The following DBT variants were observed in gnomAD, a reference collection of about 807,000 sequenced individuals.
DBT encodes the protein dihydrolipoamide branched chain transacylase E2.
DBT carries 40 observed loss-of-function variants against 51.3 expected under a neutral mutation model. That is an observed-to-expected ratio of 0.78 (90% confidence interval 0.61 to 1.02). The LOEUF is 1.02. DBT is among the 50% of genes least tolerant of loss of function. The pLI, the probability that DBT is intolerant of heterozygous loss-of-function variation, is 0.00. For missense variants in DBT, 510 were observed against 580.2 expected, an observed-to-expected ratio of 0.88 and a Z score of 1.24; for synonymous variants, 181 against 190.4, an observed-to-expected ratio of 0.95 and a Z score of 0.41.
chr1:100,211,309 T>C (rs1662122490), intron 7 of DBT, among the ~76,000 whole-genome samples: 1 of 152,236 alleles, frequency 6.6e-6, no homozygotes, highest in African/African-American at 2.4e-5. Context: ...ATAGCATTTA[T>C]ATTTTCCCTC....
chr1:100,215,102 AC>A (rs550346609), intron 6 of DBT, 119 bp from the exon 7 acceptor site: 36 of 726,738 alleles, frequency 5.0e-5, no homozygotes, highest in Admixed American at 7.6e-5. Context: ...TCTCAGTTAA[AC>A]CCTTCCTCTT....
chr1:100,209,591 T>C (rs1485727503), intron 8 of DBT, among the ~76,000 whole-genome samples: 2 of 152,136 alleles, frequency 1.3e-5, no homozygotes, highest in Admixed American at 6.6e-5. Flanking sequence ...AATGGAGTTT[T>C]GCTCTTGTCG....
At position 100,215,979 on chromosome 1, in the gene DBT, T is replaced by C; in HGVS notation, c.772+4A>G. 6.6e-7 allele frequency: 1 copy of C among 1,518,014 alleles called. No individual in the cohort carries two copies. The highest frequency in any genetic ancestry group is 9.2e-7 in the Non-Finnish European group (1 of 1,092,566). 94.0% of individuals were successfully genotyped at this position (1,518,014 alleles called of 1,614,324 possible). A position where few individuals can be genotyped will look rare whatever the true frequency, so the allele number is the denominator to read the frequency against. On this transcript the variant is annotated splice_donor_region_variant and intron_variant, in intron 6 of 10. Coordinates refer to ENST00000370132, the MANE Select transcript of DBT (RefSeq NM_001918.5). ...CCTTATAGTATTGTTATTATTATCA[T>C]TACCTTTTATGGGTTCTGTTTTGTC...
chr1:100,231,836 G>A (rs1663570058), intron 3 of DBT, among the ~76,000 whole-genome samples: 1 of 152,182 alleles, frequency 6.6e-6, no homozygotes, highest in Non-Finnish European at 1.5e-5. Flanking sequence ...AGGAAAAATG[G>A]TTGAGTTTTG....
At position 100,216,094 on chromosome 1, in the gene DBT, G is replaced by A; in HGVS notation, c.661C>T (p.Pro221Ser). The A allele has an allele frequency of 2.5e-6, 4 of 1,613,390 alleles. No homozygotes were observed. The highest frequency in any genetic ancestry group is 3.4e-6 in the Non-Finnish European group (4 of 1,179,402). Residue 221 changes from proline to serine, a missense_variant, in exon 6 of 11, where the codon CCC becomes TCC. Coordinates refer to ENST00000370132, the MANE Select transcript of DBT (RefSeq NM_001918.5). The stretch of plus-strand genomic sequence containing the variant: ...GGAGGTGGCATAATTTCAACTTTGG[G>A]TGAAGGAGGCAATATAGCTCCTGTC... ...KQTGAILPPSPKVEIMPPPPK... is the reference protein window; with the variant it reads ...KQTGAILPPSSKVEIMPPPPK...
intron 4 of DBT, among the ~76,000 whole-genome samples, chr1:100,225,043 A>AAAATATATG (rs1553231586): frequency 1.4e-4 from 6 of 43,014 alleles, no homozygotes; most frequent in African/African-American, 4.6e-4. Context: ...AAAAAAAAAA[A>AAAATATATG]TATATATATA....
chr1:100,205,984 G>C (rs565106408), intron 10 of DBT, among the ~76,000 whole-genome samples: 92 of 151,766 alleles, frequency 6.1e-4, no homozygotes, highest in Middle Eastern at 3.4e-3. Context: ...GTAGATGACG[G>C]GTTGATGGGT....
intron 4 of DBT, among the ~76,000 whole-genome samples, chr1:100,222,164 C>T (rs140402795): frequency 6.6e-6 from 1 of 152,240 alleles, no homozygotes; most frequent in African/African-American, 2.4e-5. Flanking sequence ...TTATAGCTAC[C>T]AAGAGCACCT....
chr1:100,210,911 A>G, intron 7 of DBT, 140 bp from the exon 8 acceptor site: 1 of 1,527,748 alleles, frequency 6.5e-7, no homozygotes, highest in South Asian at 1.2e-5. Context: ...ACATGTACCT[A>G]GTCACATTAC....
intron 4 of DBT, among the ~76,000 whole-genome samples, chr1:100,220,328 G>C (rs773068713): frequency 7.9e-5 from 12 of 152,138 alleles, no homozygotes; most frequent in Non-Finnish European, 1.6e-4. Flanking sequence ...TAGGAAATCA[G>C]TGATGTATAC....
intron 4 of DBT, among the ~76,000 whole-genome samples, chr1:100,230,514 C>A (rs569400475): frequency 2.6e-5 from 4 of 152,132 alleles, no homozygotes; most frequent in Non-Finnish European, 4.4e-5. Context: ...TTTTCCCCCC[C>A]ACCTTTGGTT....
intron 4 of DBT, among the ~76,000 whole-genome samples, chr1:100,228,808 T>C (rs961583926): frequency 1.3e-5 from 2 of 152,050 alleles, no homozygotes; most frequent in Non-Finnish European, 2.9e-5. Context: ...AAAACATAGA[T>C]GAACAAAGCA....
chr1:100,224,642 A>G (rs534855585), intron 4 of DBT, among the ~76,000 whole-genome samples: 27 of 152,334 alleles, frequency 1.8e-4, no homozygotes, highest in African/African-American at 6.0e-4. Context: ...TACTGTAAAT[A>G]TAACCTATCC....
At position 100,206,564 on chromosome 1, in the gene DBT, T is replaced by A; in HGVS notation, c.1090A>T (p.Ile364Phe). ...LIVPNVKNVQ[I>F]CSIFDIATEL... ...GTGGCGATGTCAAATATAGAGCAGA[T>A]CTGAACATTTTTCACATTAGGGACA... Residue 364 changes from isoleucine to phenylalanine, a missense_variant, in exon 9 of 11, where the codon ATC (isoleucine) becomes TTC (phenylalanine). Physicochemically the swap from Ile to Phe is conservative, Grantham distance 21. Coordinates refer to ENST00000370132, the MANE Select transcript of DBT (RefSeq NM_001918.5). 6.2e-7 allele frequency: 1 copy of A among 1,612,190 alleles called. No homozygotes were observed. Among genetic ancestry groups the A allele is most frequent in the Non-Finnish European group, 8.5e-7 (1 of 1,178,258 alleles).
intron 6 of DBT, among the ~76,000 whole-genome samples, chr1:100,215,347 A>T (rs1345620221): frequency 6.6e-6 from 1 of 152,248 alleles, no homozygotes; most frequent in Non-Finnish European, 1.5e-5. Flanking sequence ...AATCAGAACT[A>T]GTTATTTTGA....
chr1:100,190,272 G>C lies in DBT; in HGVS notation c.*5983C>G, dbSNP rs1017275914. ...GTGTGGTGCCATCTTCAACCTTGAA[G>C]GGTGCATGTTGGAGGGGAAGAGATA... On this transcript the variant is annotated 3_prime_UTR_variant, in exon 11 of 11. Transcript: ENST00000370132. 3.2e-4 allele frequency: 48 copies of C among 152,192 alleles called. No individual in the cohort carries two copies. The highest frequency in any genetic ancestry group is 2.9e-5 in the Non-Finnish European group (2 of 68,040). The allele number at this position is 152,192 out of a possible 1,614,324, so 9.4% of individuals were successfully genotyped here. A position where few individuals can be genotyped will look rare whatever the true frequency, so the allele number is the denominator to read the frequency against.
chr1:100,237,560 G>A (rs1663948038), intron 2 of DBT, among the ~76,000 whole-genome samples: 1 of 152,172 alleles, frequency 6.6e-6, no homozygotes, highest in Non-Finnish European at 1.5e-5. Context: ...GATGGGGTCG[G>A]GGAGTGGGTG....
chr1:100,218,751 G>T lies in DBT; in HGVS notation c.434-4C>A, dbSNP rs1174749310. The T allele has an allele frequency of 6.2e-7, 1 of 1,612,904 alleles. No homozygotes were observed. Among genetic ancestry groups the T allele is most frequent in the Non-Finnish European group, 8.5e-7 (1 of 1,179,470 alleles). On this transcript the variant is annotated splice_polypyrimidine_tract_variant and splice_region_variant and intron_variant, in intron 4 of 10. Coordinates refer to ENST00000370132, the MANE Select transcript of DBT (RefSeq NM_001918.5). ...TCAACAACATCTTCTTCTGAATCTGGTAACAAGGTAAAACTTAACTTCAGT... is the reference window on the plus strand; with the variant it reads ...TCAACAACATCTTCTTCTGAATCTGTTAACAAGGTAAAACTTAACTTCAGT...
chr1:100,200,382 C>T (rs1369578599), intron 10 of DBT, among the ~76,000 whole-genome samples: 2 of 152,214 alleles, frequency 1.3e-5, no homozygotes, highest in Non-Finnish European at 2.9e-5. Context: ...GCAGGCATCT[C>T]TGAAAGAAAG....
Sources: allele counts gnomAD v4.1 joint callset (sites outside exome capture counted in the v4.1 genomes callset), GRCh38; gene constraint gnomAD v4.1.1; transcripts MANE v1.5; gene names NCBI Gene and HGNC (gene_info 2026-07-23, HGNC 2026-07-21).